AP3B2: variants seen among roughly 807,000 people sequenced by gnomAD.
The protein encoded by AP3B2 is AP-3 complex subunit beta-2.
In AP3B2, 50 loss-of-function variants were observed where a neutral mutation model predicts 126.9. That is an observed-to-expected ratio of 0.39 (90% CI 0.31 to 0.50). The LOEUF is 0.50. AP3B2 is among the 20% of genes least tolerant of loss of function. The pLI, the probability that AP3B2 is intolerant of heterozygous loss-of-function variation, is 0.79. For synonymous variants in AP3B2, 541 were observed against 565.0 expected, an observed-to-expected ratio of 0.96 and a Z score of 0.60; for missense variants, 1,177 against 1,426.4, an observed-to-expected ratio of 0.83 and a Z score of 2.82.
chr15:82,684,324 C>T (rs1238006187), intron 4 of AP3B2, among the ~76,000 whole-genome samples: 2 of 152,114 alleles, frequency 1.3e-5, no homozygotes, highest in Non-Finnish European at 2.9e-5. Flanking sequence ...AGCACTTTTG[C>T]TTCACCTTGC....
At chr15:82,703,278 T>C (rs926968310) in intron 1 of AP3B2, among the ~76,000 whole-genome samples, 3 of 151,824 alleles carry the variant, frequency 2.0e-5, no homozygotes, top group African/African-American at 7.3e-5. Context: ...CTTCTCTCCA[T>C]GTTTCTACCC....
intron 1 of AP3B2, among the ~76,000 whole-genome samples, chr15:82,695,070 T>C (rs2048610461): frequency 6.6e-6 from 1 of 151,070 alleles, no homozygotes; most frequent in South Asian, 2.1e-4. Context: ...TGTTATCAGA[T>C]GGTTGGAACT....
chr15:82,688,376 G>A lies in AP3B2; in HGVS notation c.360+360C>T, dbSNP rs2048467373. On this transcript the variant is annotated intron_variant, in intron 4 of 26. Transcript: ENST00000535359. Reference sequence around the variant, plus strand: ...TAAAGGTTGAAATCTACCTGGCTGTGGACCACAATTCACACCTTTACACAA... The same window carrying A: ...TAAAGGTTGAAATCTACCTGGCTGTAGACCACAATTCACACCTTTACACAA... The A allele has an allele frequency of 5.7e-6, 4 of 700,362 alleles. No homozygotes were observed. In the Admixed American group the frequency reaches 8.0e-5, roughly 14 times the overall value. The allele number at this position is 700,362 out of a possible 1,614,324, so 43.4% of individuals were successfully genotyped here. A position where few individuals can be genotyped will look rare whatever the true frequency, so the allele number is the denominator to read the frequency against.
chr15:82,673,081 G>A (rs148650712), intron 14 of AP3B2, among the ~76,000 whole-genome samples: 5 of 152,224 alleles, frequency 3.3e-5, no homozygotes, highest in African/African-American at 1.2e-4. Flanking sequence ...CTGAATTCTC[G>A]ACCCATAGAC....
intron 1 of AP3B2, among the ~76,000 whole-genome samples, chr15:82,701,853 A>G (rs2048724017): frequency 6.6e-6 from 1 of 152,210 alleles, no homozygotes; most frequent in African/African-American, 2.4e-5. Flanking sequence ...CTCCCAGGGC[A>G]GGAGGTGGGG....
At chr15:82,691,542 T>C (rs556850690) in intron 1 of AP3B2, among the ~76,000 whole-genome samples, 1 of 152,138 alleles carries the variant, frequency 6.6e-6, no homozygotes, top group Admixed American at 6.5e-5. Flanking sequence ...ATTTCTGCAG[T>C]TTAAAATGTT....
chr15:82,706,320 A>T (rs1380548370), intron 1 of AP3B2, among the ~76,000 whole-genome samples: 1 of 152,200 alleles, frequency 6.6e-6, no homozygotes, highest in Non-Finnish European at 1.5e-5. Context: ...CTATGTGTCA[A>T]TATTTATACT....
In AP3B2 at chr15:82,663,846, C is replaced by A; in HGVS notation, c.2391G>T (p.Glu797Asp). The change falls in exon 20 of 27, where the codon GAG becomes GAT. Residue 797 changes from glutamate to aspartate, a missense_variant. This residue lies in a region of AP3B2 where 587 missense variants were observed against 571.3 expected (regional missense o/e 1.03). Transcript: ENST00000535359. ...SSSSESEMTSESEEEQLEPAS... is the reference protein window; with the variant it reads ...SSSSESEMTSDSEEEQLEPAS... Reference sequence around the variant, plus strand: ...CAGGTTCTAACTGCTCCTCCTCGGACTCCGATGTCATCTCGGACTCTGATG... The same window carrying A: ...CAGGTTCTAACTGCTCCTCCTCGGAATCCGATGTCATCTCGGACTCTGATG... 1 of 1,613,936 alleles carries A rather than the reference C, an allele frequency of 6.2e-7. No homozygotes were observed. The highest frequency in any genetic ancestry group is 8.5e-7 in the Non-Finnish European group (1 of 1,179,868).
At chr15:82,688,286 C>CA in intron 4 of AP3B2, 1 of 623,376 alleles carries the variant, frequency 1.6e-6, no homozygotes, top group Non-Finnish European at 2.9e-6. Flanking sequence ...TATGTAAATC[C>CA]AACTAGAGGC....
chr15:82,662,969 A>C, intron 22 of AP3B2, 47 bp from the exon 23 acceptor site: 1 of 1,575,004 alleles, frequency 6.3e-7, no homozygotes, highest in Non-Finnish European at 8.6e-7. Context: ...AGATGGAGAG[A>C]GCCTGTCCCA....
At chr15:82,687,091 A>G (rs1410454396) in intron 4 of AP3B2, 1 of 152,214 alleles carries the variant, frequency 6.6e-6, no homozygotes, top group Non-Finnish European at 1.5e-5. Context: ...AACACCCCAA[A>G]TAGTGGTAGT....
intron 1 of AP3B2, among the ~76,000 whole-genome samples, chr15:82,690,668 T>C (rs1332277553): frequency 1.5e-5 from 2 of 135,456 alleles, no homozygotes; most frequent in African/African-American, 5.3e-5. Context: ...TTTTTTTTTT[T>C]TGTGAGATGG....
intron 1 of AP3B2, chr15:82,691,577 A>G: frequency 1.8e-6 from 1 of 554,922 alleles, no homozygotes; most frequent in Admixed American, 4.3e-5. Context: ...GCCCTGGTAG[A>G]AAGTATGTAG....
rs1368775188 is a variant in AP3B2, at chr15:82,662,903, C to G, written c.2624G>C (p.Gly875Ala). 2 of 1,612,962 alleles carry G rather than the reference C, an allele frequency of 1.2e-6. No individual in the cohort carries two copies. The highest frequency in any genetic ancestry group is 8.5e-7 in the Non-Finnish European group (1 of 1,179,730). Residue 875 changes from glycine (G) to alanine (A), a missense_variant, in exon 23 of 27, where the codon GGT becomes GCT. Transcript: ENST00000535359. ...LVPSLLSPVS[G>A]VGRQELLHRV... ...GTGCAGCAGCTCCTGCCGCCCAACACCCGATACTGGACTCAGAAGCTAGAG... is the reference window on the plus strand; with the variant it reads ...GTGCAGCAGCTCCTGCCGCCCAACAGCCGATACTGGACTCAGAAGCTAGAG...
In AP3B2 at chr15:82,677,364, T is replaced by C. The variant is rs1231076357; in HGVS notation, c.1398A>G (p.Ser466=). 1.2e-6 allele frequency: 2 copies of C among 1,613,812 alleles called. No individual in the cohort carries two copies. Among genetic ancestry groups the C allele is most frequent in the East Asian group, 2.2e-5 (1 of 44,906 alleles). Reference sequence around the variant, plus strand: ...GTAGCAATTTCTTAATGACGACCACTGACTCTGCAACCACAAGCTCTACAG... The same window carrying C: ...GTAGCAATTTCTTAATGACGACCACCGACTCTGCAACCACAAGCTCTACAG... ...SNRDELVVAE[S]VVVIKKLLQM... is the part of the protein sequence containing the mutation. The change falls in exon 13 of 27, where the codon TCA becomes TCG. Residue 466 remains serine (S), a synonymous_variant. Transcript: ENST00000535359.
Position 82,678,006 on chromosome 15 carries a change from T to C in AP3B2, c.1245+99A>G, listed in dbSNP as rs957727089. 9 of 1,439,804 alleles carry C rather than the reference T, an allele frequency of 6.3e-6. No individual in the cohort carries two copies. The African/African-American group carries it at 1.3e-4, about 20-fold the overall frequency. 89.2% of individuals were successfully genotyped at this position (1,439,804 alleles called of 1,614,324 possible). On this transcript the variant is annotated intron_variant, in intron 11 of 26. Transcript: ENST00000535359. ...GGAACGGGAATGTAAGATAATAGTTTCTCCAGCCTTGGGCTCATAAGAGGA... is the reference window on the plus strand; with the variant it reads ...GGAACGGGAATGTAAGATAATAGTTCCTCCAGCCTTGGGCTCATAAGAGGA...
intron 1 of AP3B2, among the ~76,000 whole-genome samples, chr15:82,705,440 T>C (rs2048782270): frequency 6.6e-6 from 1 of 152,114 alleles, no homozygotes; most frequent in South Asian, 2.1e-4. Flanking sequence ...CAAACTCATA[T>C]ACTCTCCTCC....
rs2045645585 is a variant in AP3B2 at position 82,672,553 on chromosome 15, C to A, written c.1665+3908G>T. ...TAAGATCTAGTATTTGACAGCACAA[C>A]AGGGTGACTACAGTCAACAATAATT... On this transcript the variant is annotated intron_variant, in intron 14 of 26. Transcript: ENST00000535359. 2.6e-5 allele frequency among the ~76,000 whole-genome samples: 4 copies of A among 151,942 alleles called. No individual in the cohort carries two copies. In the South Asian group the frequency reaches 8.3e-4, roughly 32 times the overall value.
chr15:82,692,093 G>C lies in AP3B2; in HGVS notation c.114-2640C>G, dbSNP rs898972778. 211 of 1,494,502 alleles carry C rather than the reference G, an allele frequency of 1.4e-4. 1 individual carries two copies. Among genetic ancestry groups the C allele is most frequent in the Non-Finnish European group, 1.8e-4 (190 of 1,081,794 alleles). The allele number at this position is 1,494,502 out of a possible 1,614,324, so 92.6% of individuals were successfully genotyped here. On this transcript the variant is annotated intron_variant, in intron 1 of 26. Coordinates refer to ENST00000535359, the MANE Select transcript of AP3B2 (RefSeq NM_001278512.2). The stretch of plus-strand genomic sequence containing the variant: ...GCAGAAGGCCCATTCCTCCCACCAC[G>C]GGGCCACCCACCCCGACTTCGTAAG...
Sources: gnomAD v4.1 joint callset for allele counts (sites outside exome capture counted in the v4.1 genomes callset) on GRCh38, gnomAD v4.1.1 for gene constraint, gnomAD v4.1.1 regional missense constraint, MANE v1.5 for transcripts, NCBI Gene and HGNC (gene_info 2026-07-23, HGNC 2026-07-21) for gene names.